SDCCAG8: variants seen among roughly 807,000 people sequenced by gnomAD.
SDCCAG8 encodes serologically defined colon cancer antigen 8.
SDCCAG8 carries 74 observed loss-of-function variants against 101.8 expected under a neutral mutation model. The observed-to-expected ratio is 0.73, with a 90% CI of 0.60 to 0.88. The LOEUF is 0.88. Ranked by LOEUF, SDCCAG8 falls within the 40% of genes least tolerant of loss-of-function variation. The pLI is 0.00. For synonymous variants in SDCCAG8, 281 were observed against 292.9 expected, an observed-to-expected ratio of 0.96 and a Z score of 0.41; for missense variants, 787 against 822.6, an observed-to-expected ratio of 0.96 and a Z score of 0.53.
intron 6 of SDCCAG8, among the ~76,000 whole-genome samples, chr1:243,297,267 G>T (rs1007489846): frequency 6.6e-6 from 1 of 152,164 alleles, no homozygotes; most frequent in Admixed American, 6.5e-5. Context: ...TACATTGGCC[G>T]AAGTTTGTTC....
chr1:243,449,587 C>T (rs924459122), intron 16 of SDCCAG8, among the ~76,000 whole-genome samples: 1 of 152,204 alleles, frequency 6.6e-6, no homozygotes, highest in Non-Finnish European at 1.5e-5. Context: ...ACCAAATATA[C>T]TTAACTTCTG....
At chr1:243,451,220 A>G (rs796111121) in intron 16 of SDCCAG8, among the ~76,000 whole-genome samples, 6 of 152,360 alleles carry the variant, frequency 3.9e-5, no homozygotes, top group African/African-American at 1.4e-4. Context: ...CATAGAGCTC[A>G]GCATCTCCTT....
At chr1:243,342,901 A>G (rs546772986) in intron 11 of SDCCAG8, among the ~76,000 whole-genome samples, 5 of 152,260 alleles carry the variant, frequency 3.3e-5, no homozygotes, top group African/African-American at 1.2e-4. Context: ...CTGTCTTGTC[A>G]CTATAGCTTT....
intron 13 of SDCCAG8, among the ~76,000 whole-genome samples, chr1:243,394,961 G>A (rs776788541): frequency 1.4e-4 from 21 of 152,022 alleles, no homozygotes; most frequent in Non-Finnish European, 2.6e-4. Context: ...GACGCATTAA[G>A]CAGGTAAATA....
chr1:243,445,439 A>G (rs1325461962), intron 16 of SDCCAG8, among the ~76,000 whole-genome samples: 1 of 152,214 alleles, frequency 6.6e-6, no homozygotes, highest in East Asian at 1.9e-4. Context: ...GTGGACTAGT[A>G]CTAATGATGA....
chr1:243,322,354 G>A (rs1211415404), intron 9 of SDCCAG8, among the ~76,000 whole-genome samples: 1 of 152,144 alleles, frequency 6.6e-6, no homozygotes, highest in Non-Finnish European at 1.5e-5. Context: ...ATCACAATGA[G>A]GAGGTTAAAC....
At chr1:243,451,627 T>A (rs1169389310) in intron 16 of SDCCAG8, among the ~76,000 whole-genome samples, 2 of 152,112 alleles carry the variant, frequency 1.3e-5, no homozygotes. Context: ...TACGTATATA[T>A]ACTAAAGGAA....
At chr1:243,401,420 G>T (rs12029086) in intron 13 of SDCCAG8, among the ~76,000 whole-genome samples, 18,098 of 152,216 alleles carry the variant, frequency 0.12, 1,235 homozygotes, top group Non-Finnish European at 0.15. Context: ...TCCTCTTGAT[G>T]AACTTTGAAA....
chr1:243,317,516 T>C (rs2073367305), intron 9 of SDCCAG8, among the ~76,000 whole-genome samples: 2 of 152,138 alleles, frequency 1.3e-5, no homozygotes, highest in Non-Finnish European at 2.9e-5. Flanking sequence ...AGATGGTGTT[T>C]CACCATGTTA....
At chr1:243,399,505 T>C (rs1168101935) in intron 13 of SDCCAG8, among the ~76,000 whole-genome samples, 1 of 151,816 alleles carries the variant, frequency 6.6e-6, no homozygotes. Context: ...TTAATTATTA[T>C]TTATTTATTT....
At chr1:243,449,585 TACTTA>T (rs2083199232) in intron 16 of SDCCAG8, among the ~76,000 whole-genome samples, 1 of 152,216 alleles carries the variant, frequency 6.6e-6, no homozygotes, top group Non-Finnish European at 1.5e-5. Context: ...AAACCAAATA[TACTTA>T]ACTTCTGTAT....
intron 16 of SDCCAG8, chr1:243,476,267 A>G: frequency 2.0e-6 from 2 of 985,456 alleles, no homozygotes; most frequent in Non-Finnish European, 2.4e-6. Context: ...AAGAGGAGCT[A>G]AATAAAAAGC....
chr1:243,465,000 C>T (rs1290871469), intron 16 of SDCCAG8, among the ~76,000 whole-genome samples: 1 of 152,182 alleles, frequency 6.6e-6, no homozygotes, highest in Non-Finnish European at 1.5e-5. Flanking sequence ...AACAGTGACT[C>T]CCAGTGTGAT....
intron 1 of SDCCAG8, 136 bp downstream of exon 1, chr1:243,256,376 G>T: frequency 4.1e-6 from 3 of 723,110 alleles, no homozygotes; most frequent in Non-Finnish European, 7.5e-6. Flanking sequence ...TGTTGCTGTG[G>T]TCTTGAGGAG....
chr1:243,297,364 A>G (rs573137568), intron 6 of SDCCAG8, among the ~76,000 whole-genome samples: 2 of 152,290 alleles, frequency 1.3e-5, no homozygotes, highest in East Asian at 3.9e-4. Context: ...GTTTGCAGCT[A>G]TTGTGAGCAG....
At chr1:243,476,350 G>C (rs2148209230) in intron 16 of SDCCAG8, 1 of 985,428 alleles carries the variant, frequency 1.0e-6, no homozygotes, top group South Asian at 4.7e-5. Context: ...ACCTAATTAA[G>C]ATGTGTGCCA....
chr1:243,269,553 C>G (rs2067914617), intron 1 of SDCCAG8, among the ~76,000 whole-genome samples: 1 of 151,840 alleles, frequency 6.6e-6, no homozygotes, highest in Non-Finnish European at 1.5e-5. Flanking sequence ...GGGGCTGCCA[C>G]TATAAGCACT....
At chr1:243,285,890 C>T (rs745661863) in intron 4 of SDCCAG8, among the ~76,000 whole-genome samples, 28 of 152,184 alleles carry the variant, frequency 1.8e-4, no homozygotes, top group Non-Finnish European at 3.7e-4. Flanking sequence ...AATCTTCCAT[C>T]AGTTTTTAAC....
intron 13 of SDCCAG8, among the ~76,000 whole-genome samples, chr1:243,403,759 CT>C (rs2079562923): frequency 2.0e-5 from 3 of 152,200 alleles, no homozygotes; most frequent in Admixed American, 6.5e-5. Flanking sequence ...CCGTCACCCC[CT>C]GATGGAACTG....
Sources: gnomAD v4.1 joint callset for allele counts (sites outside exome capture counted in the v4.1 genomes callset) on GRCh38, gnomAD v4.1.1 for gene constraint, MANE v1.5 for transcripts, NCBI Gene and HGNC (gene_info 2026-07-23, HGNC 2026-07-21) for gene names.